Variants in KLRF1 observed in about 807,000 individuals in gnomAD.
The protein encoded by KLRF1 is killer cell lectin like receptor F1.
KLRF1 carries 27 observed loss-of-function variants against 30.7 expected under a neutral mutation model. The ratio of observed to expected loss-of-function variants is 0.88; its 90% CI spans 0.65 to 1.21. The LOEUF (loss-of-function observed/expected upper bound fraction) is 1.21. KLRF1 is among the 50% of genes most tolerant of loss of function. KLRF1 has a pLI of 0.00. For missense variants in KLRF1, 246 were observed against 259.3 expected, an observed-to-expected ratio of 0.95 and a Z score of 0.35; for synonymous variants, 92 against 89.3, an observed-to-expected ratio of 1.03 and a Z score of -0.17.
the KLRF1 span, among the ~76,000 whole-genome samples, chr12:9,811,907 C>G: frequency 6.6e-6 from 1 of 151,986 alleles, no homozygotes; most frequent in Admixed American, 6.6e-5. Flanking sequence ...TAACATGCAC[C>G]CCACGGTCAC....
upstream of KLRF1, among the ~76,000 whole-genome samples, chr12:9,823,880 C>T (rs1433220900): frequency 6.6e-6 from 1 of 152,000 alleles, no homozygotes; most frequent in Non-Finnish European, 1.5e-5. Flanking sequence ...TAGAAAACTT[C>T]GAAGATATAG....
At chr12:9,806,369 T>C in the KLRF1 span, among the ~76,000 whole-genome samples, 1 of 152,114 alleles carries the variant, frequency 6.6e-6, no homozygotes, top group Non-Finnish European at 1.5e-5. Flanking sequence ...ATATCTAATT[T>C]TATTGCATTG....
chr12:9,818,209 T>C, the KLRF1 span, among the ~76,000 whole-genome samples: 1 of 152,232 alleles, frequency 6.6e-6, no homozygotes, highest in Non-Finnish European at 1.5e-5. Flanking sequence ...TGAGCTCTTC[T>C]GGCCATAGAA....
chr12:9,808,224 C>A, the KLRF1 span, among the ~76,000 whole-genome samples: 1 of 152,128 alleles, frequency 6.6e-6, no homozygotes, highest in African/African-American at 2.4e-5. Flanking sequence ...CATTCTGATA[C>A]ATTTGTGGGA....
At chr12:9,824,403 T>C (rs114546637), upstream of KLRF1, among the ~76,000 whole-genome samples, 1,714 of 152,230 alleles carry the variant, frequency 0.011, 33 homozygotes, top group African/African-American at 0.039. Flanking sequence ...AGTAAGAGGT[T>C]TCAATAAAAC....
the KLRF1 span, chr12:9,817,470 C>T: frequency 1.2e-4 from 51 of 433,276 alleles, no homozygotes; most frequent in Admixed American, 2.9e-4. Context: ...TGAACCAGTT[C>T]ATCCTTATTT....
intron 3 of KLRF1, among the ~76,000 whole-genome samples, chr12:9,838,029 C>T (rs1208194039): frequency 6.6e-6 from 1 of 152,116 alleles, no homozygotes; most frequent in East Asian, 1.9e-4. Context: ...GTTGGATAAT[C>T]TCCGGTAAAT....
At chr12:9,824,164 CAAAAAAAAG>C (rs1565501764), upstream of KLRF1, among the ~76,000 whole-genome samples, 2 of 151,466 alleles carry the variant, frequency 1.3e-5, no homozygotes, top group Non-Finnish European at 2.9e-5. Flanking sequence ...AGAAGCACAA[CAAAAAAAAG>C]AAAACTCGAG....
chr12:9,830,515 A>G lies in KLRF1; in HGVS notation c.86-1801A>G, dbSNP rs766909829. On this transcript the variant is annotated intron_variant, in intron 1 of 5. Coordinates refer to ENST00000617889, the MANE Select transcript of KLRF1 (RefSeq NM_016523.3). The stretch of plus-strand genomic sequence containing the variant: ...AGAAAACCTTCTTTCAGTTTTCTCA[A>G]TTGAATAAGATGTTAGCTTCATTAG... Among the ~76,000 whole-genome samples, 19 of 152,130 alleles carry G rather than the reference A, an allele frequency of 1.2e-4. No homozygotes were observed. The South Asian group carries it at 1.4e-3, about 12-fold the overall frequency.
At chr12:9,821,619 C>T in the KLRF1 span, among the ~76,000 whole-genome samples, 1 of 152,186 alleles carries the variant, frequency 6.6e-6, no homozygotes, top group African/African-American at 2.4e-5. Flanking sequence ...TCAGCCACAA[C>T]CACTCCTAAG....
chr12:9,811,497 C>T, the KLRF1 span, among the ~76,000 whole-genome samples: 1 of 152,044 alleles, frequency 6.6e-6, no homozygotes, highest in Admixed American at 6.6e-5. Flanking sequence ...GAAGCTCATG[C>T]AGAGCCCGTT....
chr12:9,801,241 C>G, the KLRF1 span, among the ~76,000 whole-genome samples: 3 of 152,166 alleles, frequency 2.0e-5, no homozygotes, highest in East Asian at 3.9e-4. Flanking sequence ...TTTATCCAGT[C>G]TATCATTGAT....
chr12:9,808,613 A>G, the KLRF1 span, among the ~76,000 whole-genome samples: 1 of 152,202 alleles, frequency 6.6e-6, no homozygotes, highest in African/African-American at 2.4e-5. Context: ...TAGTTTCTCC[A>G]TGTACCACAG....
At chr12:9,801,177 T>G in the KLRF1 span, among the ~76,000 whole-genome samples, 1 of 152,124 alleles carries the variant, frequency 6.6e-6, no homozygotes, top group South Asian at 2.1e-4. Flanking sequence ...GGACATGATC[T>G]CATTCTTTTT....
intron 3 of KLRF1, among the ~76,000 whole-genome samples, chr12:9,833,901 CTTTTTTTT>C (rs35443913): frequency 8.1e-4 from 67 of 82,404 alleles, no homozygotes; most frequent in African/African-American, 3.5e-3. Context: ...AAATGTTTAA[CTTTTTTTT>C]TTTTTTTTTT....
At chr12:9,829,879 T>C (rs1211148271) in intron 1 of KLRF1, among the ~76,000 whole-genome samples, 1 of 152,248 alleles carries the variant, frequency 6.6e-6, no homozygotes, top group Non-Finnish European at 1.5e-5. Flanking sequence ...CAGTGTTTAC[T>C]TAGCTATTCT....
intron 2 of KLRF1, 110 bp from the exon 3 acceptor site, chr12:9,833,193 C>T (rs2232547): frequency 3.4e-4 from 237 of 687,918 alleles, no homozygotes; most frequent in African/African-American, 1.8e-3. Context: ...TCCTAGTGAC[C>T]GTTTCAATTA....
At chr12:9,834,414 G>A (rs1370472681) in intron 3 of KLRF1, among the ~76,000 whole-genome samples, 1 of 151,944 alleles carries the variant, frequency 6.6e-6, no homozygotes, top group Non-Finnish European at 1.5e-5. Context: ...AAAAAAATTT[G>A]GGTGCGGGGG....
the KLRF1 span, among the ~76,000 whole-genome samples, chr12:9,821,138 C>G: frequency 6.6e-6 from 1 of 152,180 alleles, no homozygotes; most frequent in South Asian, 2.1e-4. Context: ...CAGCATGCCA[C>G]AGACACCATA....
Sources: gnomAD v4.1 joint callset for allele counts (sites outside exome capture counted in the v4.1 genomes callset) on GRCh38, gnomAD v4.1.1 for gene constraint, MANE v1.5 for transcripts, NCBI Gene and HGNC (gene_info 2026-07-23, HGNC 2026-07-21) for gene names.